LRRFIP1: variants seen among roughly 807,000 people sequenced by gnomAD.
The protein encoded by LRRFIP1 is leucine-rich repeat flightless-interacting protein 1.
LRRFIP1 carries 62 observed loss-of-function variants against 104.4 expected under a neutral mutation model. The ratio of observed to expected loss-of-function variants is 0.59; its 90% CI spans 0.48 to 0.73. LRRFIP1 has a LOEUF of 0.73. Ranked by LOEUF, LRRFIP1 falls within the 30% of genes least tolerant of loss-of-function variation. The probability of loss-of-function intolerance (pLI) is 0.00; values close to 1 mark genes in which losing one functional copy is unlikely to be tolerated. For missense variants in LRRFIP1, 796 were observed against 824.5 expected, an observed-to-expected ratio of 0.97 and a Z score of 0.42; for synonymous variants, 300 against 299.0, an observed-to-expected ratio of 1.00 and a Z score of -0.03.
At chr2:237,671,026 A>C (rs940987224) in intron 1 of LRRFIP1, among the ~76,000 whole-genome samples, 1 of 152,184 alleles carries the variant, frequency 6.6e-6, no homozygotes, top group Admixed American at 6.5e-5. Flanking sequence ...TGAAAGTTCC[A>C]TTCCATCCCT....
intron 1 of LRRFIP1, among the ~76,000 whole-genome samples, chr2:237,699,383 C>T (rs1462074509): frequency 8.0e-5 from 11 of 136,816 alleles, no homozygotes; most frequent in African/African-American, 1.7e-4. Flanking sequence ...GATGGAATTT[C>T]GCTCTGTCGC....
intron 5 of LRRFIP1, among the ~76,000 whole-genome samples, chr2:237,719,940 C>CTTTTTTTTT (rs57355213): frequency 3.8e-5 from 4 of 103,982 alleles, no homozygotes; most frequent in Non-Finnish European, 5.7e-5. Flanking sequence ...GATGAAATTA[C>CTTTTTTTTT]TTTTTTTTTT....
intron 1 of LRRFIP1, among the ~76,000 whole-genome samples, chr2:237,701,459 C>G (rs944657589): frequency 6.6e-6 from 1 of 152,218 alleles, no homozygotes; most frequent in African/African-American, 2.4e-5. Flanking sequence ...CGGGAGGGCT[C>G]TCCACTCTGC....
chr2:237,647,825 C>T (rs886730339), intron 1 of LRRFIP1, among the ~76,000 whole-genome samples: 2 of 151,776 alleles, frequency 1.3e-5, no homozygotes, highest in African/African-American at 4.8e-5. Flanking sequence ...CGCCCTGTCG[C>T]CCTGTGGCCG....
At chr2:237,776,029 A>G (rs2061065682) in intron 23 of LRRFIP1, among the ~76,000 whole-genome samples, 1 of 151,914 alleles carries the variant, frequency 6.6e-6, no homozygotes, top group Admixed American at 6.6e-5. Flanking sequence ...CAATGGCGCC[A>G]TCTCGGCTCA....
At chr2:237,697,971 A>G (rs533891730) in intron 1 of LRRFIP1, among the ~76,000 whole-genome samples, 1 of 152,338 alleles carries the variant, frequency 6.6e-6, no homozygotes, top group African/African-American at 2.4e-5. Flanking sequence ...TGCATGGAAG[A>G]TACTGTATAG....
chr2:237,627,775 G>C lies in LRRFIP1; in HGVS notation c.96+35G>C, dbSNP rs952272672. ...CCGGGAGGGCAGCCGGGGGGCGCCGGGCGGGCGCGGGGGCCGGACGGCTGT... is the reference window on the plus strand; with the variant it reads ...CCGGGAGGGCAGCCGGGGGGCGCCGCGCGGGCGCGGGGGCCGGACGGCTGT... On this transcript the variant is annotated intron_variant, in intron 1 of 23. Transcript: ENST00000308482. 107 of 1,185,720 alleles carry C rather than the reference G, an allele frequency of 9.0e-5. 1 individual carries two copies. In the East Asian group the frequency reaches 3.3e-3, roughly 37 times the overall value. The allele number at this position is 1,185,720 out of a possible 1,614,324, so 73.4% of individuals were successfully genotyped here.
In LRRFIP1 at chr2:237,691,740, C is replaced by A. The variant is rs1489585661; in HGVS notation, c.97-16804C>A. On this transcript the variant is annotated intron_variant, in intron 1 of 23. Transcript: ENST00000308482. This position sits in a 1 kb window ranked among gnomAD's most constrained non-coding sequence, Gnocchi z 5.4. ...GGTCGACCCCTACTGGGCGCGGCATCCTCCCCGGAGCGCCCGCTTCCCACG... is the reference window on the plus strand; with the variant it reads ...GGTCGACCCCTACTGGGCGCGGCATACTCCCCGGAGCGCCCGCTTCCCACG... 6.6e-6 allele frequency among the ~76,000 whole-genome samples: 1 copy of A among 152,108 alleles called. No homozygotes were observed. Among genetic ancestry groups the A allele is most frequent in the East Asian group, 1.9e-4 (1 of 5,172 alleles).
rs570921569 is a variant in LRRFIP1 at position 237,640,311 on chromosome 2, G to A, written c.96+12571G>A. Reference sequence around the variant, plus strand: ...TGAGCTGACAGTGGGGCTGGGGACCGTCTATAACAAGATACCACAGACTGG... The same window carrying A: ...TGAGCTGACAGTGGGGCTGGGGACCATCTATAACAAGATACCACAGACTGG... On this transcript the variant is annotated intron_variant, in intron 1 of 23. Transcript: ENST00000308482. Among the ~76,000 whole-genome samples, 49 of 152,088 alleles carry A rather than the reference G, an allele frequency of 3.2e-4. 1 individual carries two copies. Among genetic ancestry groups the A allele is most frequent in the South Asian group, 1.2e-3 (6 of 4,820 alleles).
intron 1 of LRRFIP1, among the ~76,000 whole-genome samples, chr2:237,699,439 G>A (rs1262638982): frequency 7.0e-6 from 1 of 141,954 alleles, no homozygotes; most frequent in Non-Finnish European, 1.5e-5. Context: ...TACAACCTCC[G>A]CCTCCCGGGT....
intron 1 of LRRFIP1, among the ~76,000 whole-genome samples, chr2:237,630,517 G>A (rs748405121): frequency 2.6e-5 from 4 of 152,240 alleles, no homozygotes; most frequent in South Asian, 2.1e-4. Context: ...TAAAAAGGGC[G>A]TAGACAGTGT....
At chr2:237,670,215 C>T (rs1032047913) in intron 1 of LRRFIP1, among the ~76,000 whole-genome samples, 5 of 151,844 alleles carry the variant, frequency 3.3e-5, no homozygotes, top group Non-Finnish European at 5.9e-5. Flanking sequence ...TGTCGATCAA[C>T]AGGAGGTCGT....
intron 1 of LRRFIP1, among the ~76,000 whole-genome samples, chr2:237,673,339 C>T (rs4663781): frequency 0.65 from 99,479 of 152,098 alleles, 32,781 homozygotes; most frequent in Middle Eastern, 0.79. Flanking sequence ...GCCAGGAAGC[C>T]ATGGTAGGCG....
At chr2:237,646,205 T>G (rs35606181) in intron 1 of LRRFIP1, among the ~76,000 whole-genome samples, 19,595 of 151,810 alleles carry the variant, frequency 0.13, 1,968 homozygotes, top group Non-Finnish European at 0.2. Flanking sequence ...ACTAGCTATT[T>G]TCCTCCTTTC....
intron 1 of LRRFIP1, among the ~76,000 whole-genome samples, chr2:237,659,124 C>T (rs66481940): frequency 0.19 from 28,715 of 151,798 alleles, 3,017 homozygotes; most frequent in South Asian, 0.33. Flanking sequence ...GACAGGGTCT[C>T]GTTCCCTCAC....
intron 2 of LRRFIP1, among the ~76,000 whole-genome samples, chr2:237,709,773 C>T (rs905324008): frequency 6.6e-6 from 1 of 152,170 alleles, no homozygotes; most frequent in East Asian, 1.9e-4. Flanking sequence ...CACTCAAGCT[C>T]TGGTATCCAT....
rs530546401 is a variant in LRRFIP1, at chr2:237,711,583, T to C, written c.184-2676T>C. 6.6e-6 allele frequency among the ~76,000 whole-genome samples: 1 copy of C among 152,314 alleles called. No individual in the cohort carries two copies. Among genetic ancestry groups the C allele is most frequent in the Admixed American group, 6.5e-5 (1 of 15,302 alleles). Reference sequence around the variant, plus strand: ...GCCTGCACTTCTTCCCTCACGACCGTGGCTTGCGGCTGTGACACAGGGCGG... The same window carrying C: ...GCCTGCACTTCTTCCCTCACGACCGCGGCTTGCGGCTGTGACACAGGGCGG... On this transcript the variant is annotated intron_variant, in intron 2 of 23. Transcript: ENST00000308482. This position sits in a 1 kb window ranked among gnomAD's most constrained non-coding sequence, Gnocchi z 4.4.
chr2:237,670,461 C>G (rs553019628), intron 1 of LRRFIP1, among the ~76,000 whole-genome samples: 5 of 152,366 alleles, frequency 3.3e-5, no homozygotes, highest in African/African-American at 1.2e-4. Context: ...CACCGACAGC[C>G]CATCATGCTG....
intron 1 of LRRFIP1, among the ~76,000 whole-genome samples, chr2:237,674,996 A>G (rs771439542): frequency 3.3e-5 from 5 of 152,198 alleles, no homozygotes; most frequent in Non-Finnish European, 5.9e-5. Flanking sequence ...GGGAGCCCGG[A>G]GCACGCTGCT....
Sources: allele counts gnomAD v4.1 joint callset (sites outside exome capture counted in the v4.1 genomes callset), GRCh38; gene constraint gnomAD v4.1.1; non-coding constraint Gnocchi (gnomAD v3.1); transcripts MANE v1.5; gene names NCBI Gene and HGNC (gene_info 2026-07-23, HGNC 2026-07-21).